SCAI: variants seen among roughly 807,000 people sequenced by gnomAD.
The protein encoded by SCAI is protein SCAI.
A neutral mutation model predicts 92.2 loss-of-function variants in SCAI; 24 were observed. The observed-to-expected ratio is 0.26, with a 90% CI of 0.19 to 0.37. SCAI has a LOEUF of 0.37. Among genes scored for constraint, SCAI ranks in the 10% least tolerant of loss-of-function variants. The pLI, the probability that SCAI is intolerant of heterozygous loss-of-function variation, is 1.00. For missense variants in SCAI, 450 were observed against 736.2 expected (o/e 0.61, Z 4.50); for synonymous variants, 261 against 258.6 (o/e 1.01, Z -0.09).
At chr9:124,985,898 T>C (rs1173304945) in intron 14 of SCAI, among the ~76,000 whole-genome samples, 2 of 150,606 alleles carry the variant, frequency 1.3e-5, no homozygotes, top group African/African-American at 4.9e-5. Flanking sequence ...TCCAATTTCA[T>C]ATATGATTAT....
chr9:125,034,051 A>T (rs1420909148), intron 3 of SCAI, among the ~76,000 whole-genome samples: 1 of 152,246 alleles, frequency 6.6e-6, no homozygotes, highest in Admixed American at 6.5e-5. Context: ...AACAGAGTCA[A>T]GGGAAACCAA....
rs565902168 is a variant in SCAI at position 124,987,116 on chromosome 9, C to A, written c.1326+7818G>T. Reference sequence around the variant, plus strand: ...GGTGCGATCTCGGCTCACTGCCTCCCAGGTTCAAGAGATTCTCCTGCCTCG... The same window carrying A: ...GGTGCGATCTCGGCTCACTGCCTCCAAGGTTCAAGAGATTCTCCTGCCTCG... On this transcript the variant is annotated intron_variant, in intron 14 of 17. Coordinates refer to ENST00000336505, the MANE Select transcript of SCAI (RefSeq NM_001144877.3). Among the ~76,000 whole-genome samples the A allele has an allele frequency of 1.5e-4, 23 of 152,214 alleles. 1 individual carries two copies. In the South Asian group the frequency reaches 4.6e-3, roughly 30 times the overall value.
Position 125,082,675 on chromosome 9 carries a change from C to T in SCAI, c.99-26668G>A, listed in dbSNP as rs1427950933. On this transcript the variant is annotated intron_variant, in intron 2 of 17. Coordinates refer to ENST00000336505, the MANE Select transcript of SCAI (RefSeq NM_001144877.3). ...AGCCTACCTCTTGCATCAGCATGACCTGGGTGTGAGACATGGCATCAAAGG... is the reference window on the plus strand; with the variant it reads ...AGCCTACCTCTTGCATCAGCATGACTTGGGTGTGAGACATGGCATCAAAGG... Among the ~76,000 whole-genome samples the T allele has an allele frequency of 4.6e-5, 7 of 152,340 alleles. No individual in the cohort carries two copies. In the South Asian group the frequency reaches 1.2e-3, roughly 27 times the overall value.
intron 2 of SCAI, among the ~76,000 whole-genome samples, chr9:125,088,970 T>C (rs1434469053): frequency 6.6e-6 from 1 of 152,128 alleles, no homozygotes; most frequent in African/African-American, 2.4e-5. Context: ...CCTACTTGTT[T>C]TGACGGCTAA....
chr9:124,985,347 G>T (rs1468640192), intron 14 of SCAI, among the ~76,000 whole-genome samples: 3 of 152,134 alleles, frequency 2.0e-5, no homozygotes, highest in Non-Finnish European at 2.9e-5. Flanking sequence ...TTGCAGCCCA[G>T]ATTTCTATCA....
chr9:125,138,353 C>T (rs776095851), intron 2 of SCAI, among the ~76,000 whole-genome samples: 31 of 148,806 alleles, frequency 2.1e-4, no homozygotes, highest in Non-Finnish European at 3.1e-4. Flanking sequence ...CTTCCTGGGT[C>T]CAAGCGATTC....
At chr9:125,055,366 T>C (rs1021658278) in intron 3 of SCAI, among the ~76,000 whole-genome samples, 1 of 152,112 alleles carries the variant, frequency 6.6e-6, no homozygotes, top group African/African-American at 2.4e-5. Context: ...GCATGGTTTA[T>C]AACACCTCAT....
chr9:124,994,400 G>A (rs545791523), intron 14 of SCAI, among the ~76,000 whole-genome samples: 27 of 152,262 alleles, frequency 1.8e-4, no homozygotes, highest in African/African-American at 6.5e-4. Flanking sequence ...TAAAACGAAG[G>A]ATGTTCAAGT....
chr9:125,115,147 C>T (rs1192563006), intron 2 of SCAI, among the ~76,000 whole-genome samples: 5 of 151,754 alleles, frequency 3.3e-5, no homozygotes, highest in African/African-American at 1.2e-4. Flanking sequence ...CCGAGGTGGG[C>T]GGATCACGAG....
chr9:125,063,384 GA>G (rs57488794), intron 2 of SCAI, among the ~76,000 whole-genome samples: 1,546 of 99,518 alleles, frequency 0.016, 18 homozygotes, highest in African/African-American at 0.041. Flanking sequence ...CTCAAAGGAG[GA>G]AAAAAAAAAA....
At chr9:125,072,335 A>G (rs1833994668) in intron 2 of SCAI, among the ~76,000 whole-genome samples, 2 of 152,146 alleles carry the variant, frequency 1.3e-5, no homozygotes, top group African/African-American at 4.8e-5. Context: ...CTGAGAAAAG[A>G]TATAGTTACA....
At chr9:125,007,838 TTC>T (rs1053036642) in intron 9 of SCAI, among the ~76,000 whole-genome samples, 2 of 151,420 alleles carry the variant, frequency 1.3e-5, no homozygotes, top group Non-Finnish European at 2.9e-5. Context: ...TGTTTTTTAG[TTC>T]TTTTTCTTTT....
intron 3 of SCAI, among the ~76,000 whole-genome samples, chr9:125,053,885 T>A (rs1471551489): frequency 6.6e-6 from 1 of 152,178 alleles, no homozygotes; most frequent in South Asian, 2.1e-4. Flanking sequence ...GTGTTTTAAG[T>A]TTGAGAGCCC....
intron 14 of SCAI, among the ~76,000 whole-genome samples, chr9:124,986,306 T>C (rs577274429): frequency 1.3e-5 from 2 of 151,262 alleles, no homozygotes; most frequent in South Asian, 4.2e-4. Context: ...TAAAATAAAA[T>C]AGAAAAGGGC....
rs146192670 is a variant in SCAI, at chr9:124,959,979, A to G, written c.1675-7026T>C. On this transcript the variant is annotated intron_variant, in intron 17 of 17. Coordinates refer to ENST00000336505, the MANE Select transcript of SCAI (RefSeq NM_001144877.3). The stretch of plus-strand genomic sequence containing the variant: ...GTTCCAAGTCTTTGCTACTGTGAAT[A>G]GTGCCGCAATAAACATATATGTGCA... Among the ~76,000 whole-genome samples, 687 of 152,258 alleles carry G rather than the reference A, an allele frequency of 4.5e-3. 3 individuals are homozygous for G. Among genetic ancestry groups the G allele is most frequent in the African/African-American group, 0.016 (647 of 41,542 alleles).
intron 3 of SCAI, among the ~76,000 whole-genome samples, chr9:125,031,781 G>GTATCTC (rs1833079072): frequency 6.6e-6 from 1 of 152,000 alleles, no homozygotes; most frequent in Non-Finnish European, 1.5e-5. Flanking sequence ...TTTGTGAAAG[G>GTATCTC]TATCTCTATT....
intron 2 of SCAI, among the ~76,000 whole-genome samples, chr9:125,118,512 C>CAATAAATAAATA (rs57372605): frequency 0.12 from 17,311 of 148,640 alleles, 1,106 homozygotes; most frequent in Non-Finnish European, 0.13. Flanking sequence ...GACCCTGTCT[C>CAATAAATAAATA]AATAAATAAA....
intron 2 of SCAI, among the ~76,000 whole-genome samples, chr9:125,111,090 C>T (rs1375107790): frequency 3.3e-5 from 5 of 151,850 alleles, no homozygotes; most frequent in Non-Finnish European, 7.4e-5. Context: ...AGTGTATGTA[C>T]AAAATATAGA....
chr9:125,080,525 C>T (rs1263741269), intron 2 of SCAI, among the ~76,000 whole-genome samples: 1 of 152,138 alleles, frequency 6.6e-6, no homozygotes, highest in Non-Finnish European at 1.5e-5. Context: ...AAAAGAATCA[C>T]TAAAACAATT....
Sources: allele counts gnomAD v4.1 joint callset (sites outside exome capture counted in the v4.1 genomes callset), GRCh38; gene constraint gnomAD v4.1.1; transcripts MANE v1.5; gene names NCBI Gene and HGNC (gene_info 2026-07-23, HGNC 2026-07-21).